The following ABCC5 variants were observed in gnomAD, a reference collection of about 807,000 sequenced individuals.
ABCC5 encodes the protein ATP-binding cassette sub-family C member 5.
In ABCC5, 61 loss-of-function variants were observed where a neutral mutation model predicts 160.9. That is an observed-to-expected ratio of 0.38 (90% CI 0.31 to 0.47). ABCC5 has a LOEUF of 0.47. ABCC5 is among the 20% of genes least tolerant of loss of function. The probability of loss-of-function intolerance (pLI) is 0.99; values close to 1 mark genes in which losing one functional copy is unlikely to be tolerated. For missense variants in ABCC5, 1,308 were observed against 1,813.3 expected (o/e 0.72, Z 5.06); for synonymous variants, 666 against 700.6 (o/e 0.95, Z 0.78).
intron 2 of ABCC5, among the ~76,000 whole-genome samples, chr3:183,998,201 A>G (rs1334799431): frequency 6.6e-6 from 1 of 152,220 alleles, no homozygotes; most frequent in African/African-American, 2.4e-5. Flanking sequence ...TGTAGCTCCT[A>G]GCAATTAGAC....
Position 183,949,809 on chromosome 3 carries a change from G to A in ABCC5, c.3171C>T (p.Ser1057=). The change falls in exon 22 of 30, where the codon AGC becomes AGT. Residue 1057 remains serine (S), a synonymous_variant. Transcript: ENST00000334444. The surrounding 1 kb of genome is among the most constrained non-coding windows in gnomAD (Gnocchi z 4.2). Reference sequence around the variant, plus strand: ...CGTGGATGGTGGCAAGGCCCTGTATGCTGGACGTGATGTGGGAGAGGAAAG... The same window carrying A: ...CGTGGATGGTGGCAAGGCCCTGTATACTGGACGTGATGTGGGAGAGGAAAG... The part of the protein sequence containing the change: ...QSPFLSHITS[S]IQGLATIHAY... The A allele has an allele frequency of 6.2e-7, 1 of 1,614,198 alleles. No individual in the cohort carries two copies. Among genetic ancestry groups the A allele is most frequent in the South Asian group, 1.1e-5 (1 of 91,086 alleles).
At chr3:184,014,973 C>T (rs1722071938) in intron 1 of ABCC5, among the ~76,000 whole-genome samples, 1 of 152,086 alleles carries the variant, frequency 6.6e-6, no homozygotes, top group Non-Finnish European at 1.5e-5. Flanking sequence ...TTTTAAAGCT[C>T]CATGAAGTTA....
Position 183,971,913 on chromosome 3 carries a change from A to G in ABCC5, c.1411T>C (p.Phe471Leu), listed in dbSNP as rs1396168694. The change falls in exon 11 of 30, where the codon TTT becomes CTT. Residue 471 changes from phenylalanine to leucine, a missense_variant. Physicochemically the swap from Phe to Leu is conservative, Grantham distance 22 (BLOSUM62 0). Transcript: ENST00000334444. Reference protein sequence around the residue: ...SVAVDRFKSLFLMEEVHMIKN... With the variant: ...SVAVDRFKSLLLMEEVHMIKN... ...ATCATGTGAACCTCTTCCATTAGAA[A>G]CAAACTCTGATAGGAGTTGTGAGAG... is the stretch of plus-strand genomic sequence containing the variant. 1.2e-6 allele frequency: 2 copies of G among 1,613,942 alleles called. No homozygotes were observed. The highest frequency in any genetic ancestry group is 1.7e-6 in the Non-Finnish European group (2 of 1,180,048).
intron 2 of ABCC5, among the ~76,000 whole-genome samples, chr3:184,006,158 AC>A (rs1269341726): frequency 1.1e-4 from 17 of 152,002 alleles, no homozygotes; most frequent in Admixed American, 6.6e-5. Context: ...CCAATCGCAC[AC>A]TGTTGTTACC....
intron 24 of ABCC5, among the ~76,000 whole-genome samples, chr3:183,943,814 G>A (rs1443652240): frequency 6.6e-6 from 1 of 152,080 alleles, no homozygotes; most frequent in Non-Finnish European, 1.5e-5. Flanking sequence ...CCAGCACAAG[G>A]CTCTCGCCAA....
chr3:183,971,952 A>G (rs2108836626), intron 10 of ABCC5, 33 bp from the exon 11 acceptor site: 1 of 1,611,862 alleles, frequency 6.2e-7, no homozygotes, highest in East Asian at 2.2e-5. Flanking sequence ...TGCAAAGATG[A>G]GACACTGGAT....
intron 24 of ABCC5, among the ~76,000 whole-genome samples, chr3:183,943,630 G>T (rs73046532): frequency 3.4e-4 from 52 of 152,054 alleles, no homozygotes; most frequent in East Asian, 5.8e-4. Flanking sequence ...ATAGCCTTAT[G>T]GGGGGAAGTA....
chr3:183,950,620 T>C (rs1019932807), intron 20 of ABCC5, among the ~76,000 whole-genome samples: 5 of 152,260 alleles, frequency 3.3e-5, no homozygotes, highest in African/African-American at 9.6e-5. Context: ...GGTTAAAGTA[T>C]TTTCATGCAA....
At chr3:183,934,684 T>C (rs539305329) in intron 26 of ABCC5, among the ~76,000 whole-genome samples, 3 of 152,330 alleles carry the variant, frequency 2.0e-5, no homozygotes, top group Non-Finnish European at 4.4e-5. Context: ...TAACATTTTA[T>C]ATAATTTAAA....
rs760143007 is a variant in ABCC5, at chr3:183,978,655, T to A, written c.1148-4A>T. On this transcript the variant is annotated splice_polypyrimidine_tract_variant and splice_region_variant and intron_variant, in intron 8 of 29. Transcript: ENST00000334444. ...CGACGCTCCTCCTCGCGGATTTCTATGAATAAAAAGCAAGCCAATTTCAAA... is the reference window on the plus strand; with the variant it reads ...CGACGCTCCTCCTCGCGGATTTCTAAGAATAAAAAGCAAGCCAATTTCAAA... 3 of 1,612,182 alleles carry A rather than the reference T, an allele frequency of 1.9e-6. No individual in the cohort carries two copies. Among genetic ancestry groups the A allele is most frequent in the Non-Finnish European group, 1.7e-6 (2 of 1,179,296 alleles).
intron 26 of ABCC5, among the ~76,000 whole-genome samples, chr3:183,931,751 G>C (rs375862463): frequency 1.3e-5 from 2 of 152,238 alleles, no homozygotes; most frequent in African/African-American, 2.4e-5. Flanking sequence ...GTGGTACACA[G>C]TAAGGCAGAC....
intron 2 of ABCC5, among the ~76,000 whole-genome samples, chr3:184,008,564 C>T (rs1380036977): frequency 1.3e-5 from 2 of 152,248 alleles, no homozygotes; most frequent in African/African-American, 4.8e-5. Flanking sequence ...CAAGCATTAA[C>T]ATTACAGTCC....
In ABCC5 at chr3:183,967,773, A is replaced by G. The variant is rs1163261979; in HGVS notation, c.1762-7T>C. 1.9e-6 allele frequency: 3 copies of G among 1,611,348 alleles called. No homozygotes were observed. Among genetic ancestry groups the G allele is most frequent in the Non-Finnish European group, 2.5e-6 (3 of 1,177,588 alleles). On this transcript the variant is annotated splice_region_variant and splice_polypyrimidine_tract_variant and intron_variant, in intron 11 of 29. Transcript: ENST00000334444. ...AGATTCCAACCAGTTTACCCTGGAC[A>G]AGGCACACAGAGAGGAGGGTCATTT...
At position 183,949,879 on chromosome 3, in the gene ABCC5, AC is replaced by A; in HGVS notation, c.3100del (p.Val1034SerfsTer2). Reference sequence around the variant, plus strand: ...CAGACGCTTCAGCTCCCGAATCAGGACCCTGGAGAGAGAATGAGCTCCGTGT... The same window carrying A: ...CAGACGCTTCAGCTCCCGAATCAGGACCTGGAGAGAGAATGAGCTCCGTGT... ...LFSVLHIVSR[V>X]LIRELKRLDN... On this transcript the variant is annotated frameshift_variant and splice_region_variant, in exon 22 of 30. Transcript: ENST00000334444. LOFTEE classifies it high-confidence loss of function. The surrounding 1 kb of genome is among the most constrained non-coding windows in gnomAD (Gnocchi z 4.2). 1 of 1,614,156 alleles carries A rather than the reference AC, an allele frequency of 6.2e-7. No individual in the cohort carries two copies. Among genetic ancestry groups the A allele is most frequent in the Non-Finnish European group, 8.5e-7 (1 of 1,180,032 alleles).
chr3:183,964,453 G>T (rs909744559), intron 14 of ABCC5, among the ~76,000 whole-genome samples: 3 of 152,158 alleles, frequency 2.0e-5, no homozygotes, highest in Admixed American at 2.0e-4. Context: ...TTACCTGCAG[G>T]GTTTGTTAAA....
chr3:183,992,024 G>A (rs757249644), intron 2 of ABCC5, among the ~76,000 whole-genome samples: 55 of 152,182 alleles, frequency 3.6e-4, no homozygotes, highest in Admixed American at 1.8e-3. Flanking sequence ...TCTGAAAAAT[G>A]TCACTTCAAA....
At chr3:184,007,556 T>C (rs143897864) in intron 2 of ABCC5, among the ~76,000 whole-genome samples, 2 of 152,296 alleles carry the variant, frequency 1.3e-5, no homozygotes, top group African/African-American at 2.4e-5. Context: ...CCAGGCGCAG[T>C]GGCTCACACC....
rs372595266 is a variant in ABCC5 at position 183,945,887 on chromosome 3, C to T, written c.3467G>A (p.Arg1156Gln). The T allele has an allele frequency of 1.9e-6, 3 of 1,614,124 alleles. No individual in the cohort carries two copies. The highest frequency in any genetic ancestry group is 1.3e-5 in the African/African-American group (1 of 75,044). The change falls in exon 24 of 30, where the codon CGA (arginine) becomes CAA (glutamine). Residue 1156 changes from arginine to glutamine, a missense_variant. This residue lies in a region of ABCC5 where 1,142 missense variants were observed against 1,527.1 expected (regional missense o/e 0.75). Transcript: ENST00000334444. ...TVRLASETEA[R>Q]FTSVERINHY... Reference sequence around the variant, plus strand: ...ATTGATCCTCTCCACCGAGGTGAATCGAGCTTCTGTCTCAGATGCCAGTCT... The same window carrying T: ...ATTGATCCTCTCCACCGAGGTGAATTGAGCTTCTGTCTCAGATGCCAGTCT...
intron 10 of ABCC5, among the ~76,000 whole-genome samples, chr3:183,976,866 C>T (rs1231946255): frequency 6.6e-6 from 1 of 152,098 alleles, no homozygotes; most frequent in Non-Finnish European, 1.5e-5. Flanking sequence ...GTATTAACCA[C>T]TATCAAATAT....
Sources: gnomAD v4.1 joint callset for allele counts (sites outside exome capture counted in the v4.1 genomes callset) on GRCh38, gnomAD v4.1.1 for gene constraint, gnomAD v4.1.1 regional missense constraint, Gnocchi (gnomAD v3.1) non-coding constraint, MANE v1.5 for transcripts, NCBI Gene and HGNC (gene_info 2026-07-23, HGNC 2026-07-21) for gene names.